The following ATR variants were observed in gnomAD, a reference collection of about 807,000 sequenced individuals.
The protein encoded by ATR is ATR checkpoint kinase, also known as serine/threonine-protein kinase ATR.
ATR carries 142 observed loss-of-function variants against 305.3 expected under a neutral mutation model. The observed-to-expected ratio is 0.47, with a 90% confidence interval of 0.41 to 0.53. ATR has a LOEUF of 0.53. Among genes scored for constraint, ATR ranks in the 20% least tolerant of loss-of-function variants. ATR has a pLI of 0.00. For synonymous variants in ATR, 1,050 were observed against 1,068.1 expected, an observed-to-expected ratio of 0.98 and a Z score of 0.33; for missense variants, 2,135 against 3,133.1, an observed-to-expected ratio of 0.68 and a Z score of 7.60.
intron 25 of ATR, among the ~76,000 whole-genome samples, chr3:142,515,175 T>C (rs2032805559): frequency 1.3e-5 from 2 of 152,180 alleles, no homozygotes; most frequent in African/African-American, 2.4e-5. Context: ...ATTAAGACCA[T>C]AGTAATTTTC....
Position 142,449,497 on chromosome 3 carries a change from G to A in ATR, c.7867C>T (p.Leu2623Phe). 6.2e-7 allele frequency: 1 copy of A among 1,613,418 alleles called. No individual in the cohort carries two copies. The highest frequency in any genetic ancestry group is 1.1e-5 in the South Asian group (1 of 91,076). ...PLSIEGHVHY[L>F]IQEATDENLL... is the part of the protein sequence containing the mutation. ...TTTTCATCAGTAGCTTCCTGTATAA[G>A]GTAATGCACATGTCCTTCAATAGAT... The change falls in exon 47 of 47, where the codon CTT becomes TTT. Residue 2623 changes from leucine (L) to phenylalanine (F), a missense_variant. Physicochemically the swap from Leu to Phe is conservative, Grantham distance 22 (BLOSUM62 0). This residue lies in a region of ATR where 462 missense variants were observed against 887.6 expected (regional missense o/e 0.52). Coordinates refer to ENST00000350721, the MANE Select transcript of ATR (RefSeq NM_001184.4).
At chr3:142,524,599 A>T (rs2033292931) in intron 21 of ATR, among the ~76,000 whole-genome samples, 1 of 152,196 alleles carries the variant, frequency 6.6e-6, no homozygotes, top group Non-Finnish European at 1.5e-5. Context: ...ATAAGAAAAA[A>T]CACAGAGTAA....
At chr3:142,456,887 G>C (rs959379513) in intron 45 of ATR, among the ~76,000 whole-genome samples, 1 of 152,212 alleles carries the variant, frequency 6.6e-6, no homozygotes, top group Non-Finnish European at 1.5e-5. Context: ...TTTGGAAAAT[G>C]ATTTGAGAGT....
intron 24 of ATR, among the ~76,000 whole-genome samples, chr3:142,517,409 T>A (rs1426411252): frequency 6.6e-6 from 1 of 151,536 alleles, no homozygotes; most frequent in African/African-American, 2.4e-5. Context: ...AATATGAATA[T>A]GCTTTTAAGA....
chr3:142,503,253 A>C, intron 30 of ATR, 109 bp downstream of exon 30: 1 of 798,424 alleles, frequency 1.3e-6, no homozygotes, highest in Non-Finnish European at 2.0e-6. Context: ...TACCATGAAA[A>C]CACATAAAAC....
At position 142,466,391 on chromosome 3, in the gene ATR, T is replaced by C; in HGVS notation, c.6830A>G (p.His2277Arg). ...IPTLPSILGTHANHASHEPFP... is the reference protein window; with the variant it reads ...IPTLPSILGTRANHASHEPFP... ...TGGTTCATGGCTAGCATGGTTAGCA[T>C]GGGTACCCAGAATTGATGGAAGTGT... The change falls in exon 40 of 47, where the codon CAT (histidine) becomes CGT (arginine). Residue 2277 changes from histidine (H) to arginine (R), a missense_variant. His to Arg is a conservative substitution (Grantham distance 29). Transcript: ENST00000350721. The C allele has an allele frequency of 6.2e-7, 1 of 1,614,048 alleles. No homozygotes were observed. Among genetic ancestry groups the C allele is most frequent in the Non-Finnish European group, 8.5e-7 (1 of 1,179,938 alleles).
chr3:142,450,400 C>G, intron 46 of ATR: 2 of 1,563,852 alleles, frequency 1.3e-6, no homozygotes, highest in Non-Finnish European at 1.8e-6. Context: ...AATGGGGCTG[C>G]TGTCTTCTTT....
chr3:142,558,518 T>C (rs2034756329), intron 8 of ATR, 106 bp downstream of exon 8: 2 of 879,130 alleles, frequency 2.3e-6, no homozygotes, highest in South Asian at 3.8e-5. Flanking sequence ...TAAGACTCCG[T>C]CTCAAAAATA....
intron 29 of ATR, among the ~76,000 whole-genome samples, chr3:142,504,058 A>AATTT (rs1363583959): frequency 6.6e-6 from 1 of 152,226 alleles, no homozygotes; most frequent in Non-Finnish European, 1.5e-5. Flanking sequence ...AAAAATAAAG[A>AATTT]ATTTATATAT....
At chr3:142,462,477 T>TC (rs1429249245) in intron 41 of ATR, among the ~76,000 whole-genome samples, 1 of 151,844 alleles carries the variant, frequency 6.6e-6, no homozygotes, top group Non-Finnish European at 1.5e-5. Flanking sequence ...AATTTTTCTT[T>TC]TTTTTTTTTG....
intron 45 of ATR, among the ~76,000 whole-genome samples, chr3:142,457,114 T>G (rs1168965942): frequency 6.6e-6 from 1 of 152,194 alleles, no homozygotes; most frequent in Non-Finnish European, 1.5e-5. Flanking sequence ...GGATACCATT[T>G]GGCAATAAAA....
intron 27 of ATR, among the ~76,000 whole-genome samples, chr3:142,509,689 C>G (rs1235617199): frequency 6.6e-6 from 1 of 151,326 alleles, no homozygotes; most frequent in Non-Finnish European, 1.5e-5. Flanking sequence ...TGTGAGTAAC[C>G]TAGGACTACA....
chr3:142,483,029 A>G (rs1387973992), intron 36 of ATR, among the ~76,000 whole-genome samples: 2 of 128,164 alleles, frequency 1.6e-5, no homozygotes, highest in Non-Finnish European at 3.2e-5. Flanking sequence ...TTTTTGAGAC[A>G]GGGTCTTGCT....
chr3:142,543,328 G>C (rs932290453), intron 16 of ATR, among the ~76,000 whole-genome samples: 1 of 151,804 alleles, frequency 6.6e-6, no homozygotes, highest in Non-Finnish European at 1.5e-5. Context: ...AGTAAACAGA[G>C]TTCCTTCCTT....
chr3:142,484,753 C>T (rs536910663), intron 36 of ATR, among the ~76,000 whole-genome samples: 22 of 152,056 alleles, frequency 1.4e-4, no homozygotes, highest in Admixed American at 1.2e-3. Context: ...GGTATGACAC[C>T]GTCTCCAGGT....
chr3:142,510,877 T>C (rs954908605), intron 27 of ATR, among the ~76,000 whole-genome samples: 4 of 151,946 alleles, frequency 2.6e-5, no homozygotes, highest in African/African-American at 7.3e-5. Flanking sequence ...TTCTCATCAA[T>C]GCTTATATCA....
intron 29 of ATR, among the ~76,000 whole-genome samples, chr3:142,504,463 G>A (rs1247344637): frequency 1.3e-5 from 2 of 151,744 alleles, no homozygotes; most frequent in African/African-American, 4.8e-5. Context: ...GTATTGGAAG[G>A]GACCTTTTTT....
chr3:142,484,330 G>C (rs2030761087), intron 36 of ATR, among the ~76,000 whole-genome samples: 1 of 152,122 alleles, frequency 6.6e-6, no homozygotes, highest in Non-Finnish European at 1.5e-5. Context: ...TGTCAATCAT[G>C]CCCATGTAAT....
chr3:142,547,579 CTTT>C (rs772685857), intron 16 of ATR, 143 bp downstream of exon 16: 28 of 897,512 alleles, frequency 3.1e-5, no homozygotes, highest in Non-Finnish European at 4.0e-5. Flanking sequence ...TTAAATCAGC[CTTT>C]TCAAAATAAA....
Sources: gnomAD v4.1 joint callset for allele counts (sites outside exome capture counted in the v4.1 genomes callset) on GRCh38, gnomAD v4.1.1 for gene constraint, gnomAD v4.1.1 regional missense constraint, MANE v1.5 for transcripts, NCBI Gene and HGNC (gene_info 2026-07-23, HGNC 2026-07-21) for gene names.